PTPRU: variants seen among roughly 807,000 people sequenced by gnomAD.
PTPRU encodes the protein protein tyrosine phosphatase receptor type U, also known as receptor-type tyrosine-protein phosphatase U.
PTPRU carries 69 observed loss-of-function variants against 166.3 expected under a neutral mutation model. The ratio of observed to expected loss-of-function variants is 0.41; its 90% CI spans 0.34 to 0.51. The LOEUF is 0.51. Among genes scored for constraint, PTPRU ranks in the 20% least tolerant of loss-of-function variants. The pLI, the probability that PTPRU is intolerant of heterozygous loss-of-function variation, is 0.09. For missense variants in PTPRU, 1,657 were observed against 2,013.7 expected, an observed-to-expected ratio of 0.82 and a Z score of 3.39; for synonymous variants, 793 against 814.0, an observed-to-expected ratio of 0.97 and a Z score of 0.44.
chr1:29,272,302 A>G (rs574353305), intron 7 of PTPRU, among the ~76,000 whole-genome samples: 1 of 152,156 alleles, frequency 6.6e-6, no homozygotes, highest in South Asian at 2.1e-4. Flanking sequence ...CAGTGTCCAT[A>G]TGGGATGGGA....
Position 29,284,357 on chromosome 1 carries a change from A to G in PTPRU, c.2180-374A>G, listed in dbSNP as rs546938626. 4.6e-5 allele frequency among the ~76,000 whole-genome samples: 7 copies of G among 152,254 alleles called. No homozygotes were observed. The South Asian group carries it at 1.4e-3, about 32-fold the overall frequency. On this transcript the variant is annotated intron_variant, in intron 13 of 29. Coordinates refer to ENST00000373779, the MANE Select transcript of PTPRU (RefSeq NM_133178.4). ...AGACAGGGAATGTGGTTGGTTTCCC[A>G]TCCTGAGATGGACTAACCATGCCCT...
chr1:29,322,820 C>T (rs1688218998), intron 26 of PTPRU, among the ~76,000 whole-genome samples: 1 of 152,002 alleles, frequency 6.6e-6, no homozygotes. Context: ...GGTCATAGGG[C>T]TGTACCTCCT....
Position 29,260,263 on chromosome 1 carries a change from T to G in PTPRU, c.850+219T>G, listed in dbSNP as rs1574624324. 1 of 534,206 alleles carries G rather than the reference T, an allele frequency of 1.9e-6. No homozygotes were observed. The highest frequency in any genetic ancestry group is 3.1e-6 in the Non-Finnish European group (1 of 327,430). The allele number at this position is 534,206 out of a possible 1,614,324, so 33.1% of individuals were successfully genotyped here. Reference sequence around the variant, plus strand: ...CTGGCTTCGAGGGGGACGGACAGGGTCAAGGTGAGAGCCTAAAGAGGGGTG... The same window carrying G: ...CTGGCTTCGAGGGGGACGGACAGGGGCAAGGTGAGAGCCTAAAGAGGGGTG... On this transcript the variant is annotated intron_variant, in intron 6 of 29. Coordinates refer to ENST00000373779, the MANE Select transcript of PTPRU (RefSeq NM_133178.4). The surrounding 1 kb of genome is among the most constrained non-coding windows in gnomAD (Gnocchi z 8.3).
In PTPRU at chr1:29,318,885, G is replaced by A. The variant is rs111358649; in HGVS notation, c.3687+964G>A. ...GTGTGTCACTGCTGCGTCTCTCCAC[G>A]CGGAAATGAGGGATGCCGATGGGGA... On this transcript the variant is annotated intron_variant, in intron 25 of 29. Transcript: ENST00000373779. Among the ~76,000 whole-genome samples, 287 of 152,350 alleles carry A rather than the reference G, an allele frequency of 1.9e-3. 2 individuals are homozygous for A. The highest frequency in any genetic ancestry group is 6.5e-3 in the African/African-American group (270 of 41,584).
rs753300633 is a variant in PTPRU, at chr1:29,311,573, G to A, written c.2955+20G>A. ...GGCAGGGTAAGCCGGGCTGTGGGGC[G>A]AGCTGGGGCGCATGGCAGGCCAAGG... On this transcript the variant is annotated intron_variant, in intron 20 of 29. Transcript: ENST00000373779. The surrounding 1 kb of genome is among the most constrained non-coding windows in gnomAD (Gnocchi z 4.1). The A allele has an allele frequency of 3.1e-6, 5 of 1,614,172 alleles. No individual in the cohort carries two copies. The highest frequency in any genetic ancestry group is 3.4e-6 in the Non-Finnish European group (4 of 1,180,006).
intron 1 of PTPRU, among the ~76,000 whole-genome samples, chr1:29,243,625 G>C (rs1684154140): frequency 6.6e-6 from 1 of 152,220 alleles, no homozygotes. Flanking sequence ...TCCCGGTGCA[G>C]TTGGTGAAAT....
intron 14 of PTPRU, among the ~76,000 whole-genome samples, chr1:29,287,031 G>C (rs1385845743): frequency 6.6e-6 from 1 of 152,174 alleles, no homozygotes; most frequent in Non-Finnish European, 1.5e-5. Flanking sequence ...CCCTGGCAGG[G>C]ATGGGGGTGT....
chr1:29,296,534 G>T, intron 15 of PTPRU, among the ~76,000 whole-genome samples: 1 of 148,416 alleles, frequency 6.7e-6, no homozygotes, highest in African/African-American at 2.5e-5. Context: ...TTTGAGATAG[G>T]GTTTCACCCT....
In PTPRU at chr1:29,279,052, A is replaced by C. The variant is rs759990211; in HGVS notation, c.1494A>C (p.Pro498=). ...CAGCCGAGTCCCTGACCTTCACTCC[A>C]CTGGAGGACATGATCTTCCTCAAGT... ...GIAAESLTFT[P]LEDMIFLKWE... The change falls in exon 9 of 30, where the codon CCA becomes CCC. Residue 498 remains proline, a synonymous_variant. Transcript: ENST00000373779. This position sits in a 1 kb window ranked among gnomAD's most constrained non-coding sequence, Gnocchi z 5.2. 1 of 1,593,458 alleles carries C rather than the reference A, an allele frequency of 6.3e-7. No individual in the cohort carries two copies. The highest frequency in any genetic ancestry group is 8.6e-7 in the Non-Finnish European group (1 of 1,169,484).
In PTPRU at chr1:29,282,209, C is replaced by A. The variant is rs557044420; in HGVS notation, c.1869-467C>A. Among the ~76,000 whole-genome samples the A allele has an allele frequency of 3.2e-4, 48 of 152,252 alleles. 1 individual carries two copies. In the East Asian group the frequency reaches 6.6e-3, roughly 21 times the overall value. On this transcript the variant is annotated intron_variant, in intron 11 of 29. Transcript: ENST00000373779. ...ATAGTCTGAGCTCAGTCATCTCTTT[C>A]TGAATGAATGAATGAATGAATGAAT...
chr1:29,261,967 A>G (rs981243423), intron 7 of PTPRU, among the ~76,000 whole-genome samples: 6 of 152,242 alleles, frequency 3.9e-5, no homozygotes, highest in Non-Finnish European at 8.8e-5. Flanking sequence ...ATAGCATAAT[A>G]TCACAGTCAA....
chr1:29,237,730 G>A lies in PTPRU; in HGVS notation c.73+1013G>A, dbSNP rs1164149925. Among the ~76,000 whole-genome samples the A allele has an allele frequency of 6.7e-6, 1 of 150,134 alleles. No individual in the cohort carries two copies. The highest frequency in any genetic ancestry group is 1.5e-5 in the Non-Finnish European group (1 of 67,432). ...TGTTGTTTCGCAAGTTCCGCGCGGC[G>A]CTGGCGGGCGGCTGATCCGAGGCGG... On this transcript the variant is annotated intron_variant, in intron 1 of 29. Transcript: ENST00000373779. The surrounding 1 kb of genome is among the most constrained non-coding windows in gnomAD (Gnocchi z 6.4).
In PTPRU at chr1:29,303,993, A is replaced by T. The variant is rs1687264463; in HGVS notation, c.2615A>T (p.His872Leu). The T allele has an allele frequency of 6.2e-7, 1 of 1,612,962 alleles. No homozygotes were observed. The highest frequency in any genetic ancestry group is 1.3e-5 in the African/African-American group (1 of 74,906). Reference protein sequence around the residue: ...PAVRVADLLQHINQMKTAEGY... With the variant: ...PAVRVADLLQLINQMKTAEGY... ...GTGCGTGTCGCAGACCTTCTGCAGC[A>T]CATCAACCAGATGAAGACGGCCGAG... Residue 872 changes from histidine (H) to leucine (L), a missense_variant, in exon 16 of 30, where the codon CAC (histidine) becomes CTC (leucine). By Grantham distance (99) the His-to-Leu change is moderately conservative (BLOSUM62 -3). Coordinates refer to ENST00000373779, the MANE Select transcript of PTPRU (RefSeq NM_133178.4).
intron 18 of PTPRU, among the ~76,000 whole-genome samples, chr1:29,309,086 T>C (rs1687533762): frequency 1.3e-5 from 2 of 152,168 alleles, no homozygotes. Flanking sequence ...ACTTTGACTA[T>C]GTTTTGGTCA....
At chr1:29,268,218 G>C (rs1446112777) in intron 7 of PTPRU, among the ~76,000 whole-genome samples, 1 of 152,182 alleles carries the variant, frequency 6.6e-6, no homozygotes, top group Non-Finnish European at 1.5e-5. Context: ...TTCAGGGAAG[G>C]GGTTCGGGCT....
Position 29,316,068 on chromosome 1 carries a change from G to A in PTPRU, c.3430G>A (p.Val1144Ile), listed in dbSNP as rs1350293728. 3.1e-6 allele frequency: 5 copies of A among 1,614,168 alleles called. No individual in the cohort carries two copies. Among genetic ancestry groups the A allele is most frequent in the African/African-American group, 1.3e-5 (1 of 75,054 alleles). ...ACLCGETTIP[V>I]SEFKATYKEM... ...CCTGTGTGGGGAGACCACCATCCCT[G>A]TCAGTGAGTTCAAGGCCACCTACAA... is the stretch of plus-strand genomic sequence containing the variant. The change falls in exon 24 of 30, where the codon GTC (valine) becomes ATC (isoleucine). Residue 1144 changes from valine (V) to isoleucine (I), a missense_variant. Transcript: ENST00000373779.
At chr1:29,283,665 G>A (rs1465006388) in intron 12 of PTPRU, 3 of 488,470 alleles carry the variant, frequency 6.1e-6, no homozygotes, top group Non-Finnish European at 7.3e-6. Flanking sequence ...CCTAGGCCTC[G>A]CCCCGATGCC....
At chr1:29,258,445 C>G in intron 2 of PTPRU, 60 bp from the exon 3 acceptor site, 2 of 1,560,274 alleles carry the variant, frequency 1.3e-6, no homozygotes, top group Non-Finnish European at 1.7e-6. Flanking sequence ...TCCCCTTGCC[C>G]TGGCCCTGTC....
intron 7 of PTPRU, among the ~76,000 whole-genome samples, chr1:29,265,766 T>C (rs1159990279): frequency 6.6e-6 from 1 of 152,192 alleles, no homozygotes; most frequent in Non-Finnish European, 1.5e-5. Flanking sequence ...TTTGTTGTTG[T>C]TGTTGTTGTT....
Sources: allele counts gnomAD v4.1 joint callset (sites outside exome capture counted in the v4.1 genomes callset), GRCh38; gene constraint gnomAD v4.1.1; non-coding constraint Gnocchi (gnomAD v3.1); transcripts MANE v1.5; gene names NCBI Gene and HGNC (gene_info 2026-07-23, HGNC 2026-07-21).